Variants in AKT2 observed in about 807,000 individuals in gnomAD.
The protein encoded by AKT2 is AKT serine/threonine kinase 2.
AKT2 carries 16 observed loss-of-function variants against 58.6 expected under a neutral mutation model. The observed-to-expected ratio is 0.27, with a 90% CI of 0.18 to 0.41. The LOEUF is 0.41. Among genes scored for constraint, AKT2 ranks in the 10% least tolerant of loss-of-function variants. AKT2 has a pLI of 1.00. For missense variants in AKT2, 438 were observed against 661.0 expected (o/e 0.66, Z 3.70); for synonymous variants, 253 against 254.0 (o/e 1.00, Z 0.04).
In AKT2 at chr19:40,239,013, G is replaced by T. The variant is rs757601812; in HGVS notation, c.640-40C>A. Reference sequence around the variant, plus strand: ...CAGCAGGGTGGGAGGTGGGAGGGAGGAGGGCTCTGCTGAGCCATGCCAGGG... The same window carrying T: ...CAGCAGGGTGGGAGGTGGGAGGGAGTAGGGCTCTGCTGAGCCATGCCAGGG... On this transcript the variant is annotated intron_variant, in intron 7 of 13. Transcript: ENST00000392038. The T allele has an allele frequency of 4.4e-6, 7 of 1,597,680 alleles. No homozygotes were observed. The South Asian group carries it at 7.7e-5, about 18-fold the overall frequency.
chr19:40,241,738 T>C (rs1974419509), intron 6 of AKT2, 200 bp downstream of exon 6: 7 of 752,550 alleles, frequency 9.3e-6, no homozygotes, highest in Admixed American at 4.8e-5. Context: ...GCCCCTAACA[T>C]AGGGTGGAGG....
chr19:40,266,288 G>A (rs1343884819), intron 1 of AKT2: 1 of 152,366 alleles, frequency 6.6e-6, no homozygotes, highest in East Asian at 1.9e-4. Context: ...CGGACAGCAG[G>A]TCGGGAGCTA....
rs1973994060 is a variant in AKT2, at chr19:40,235,913, C to T, written c.1152G>A (p.Leu384=). ...SPEAKSLLAG[L]LKKDPKQRLG... ...ACCTCTGCTTGGGGTCCTTCTTAAG[C>T]AGCCCAGCAAGCAGGGACTTGGCCT... The change falls in exon 11 of 14, where the codon CTG becomes CTA. Residue 384 remains leucine (L), a synonymous_variant. Coordinates refer to ENST00000392038, the MANE Select transcript of AKT2 (RefSeq NM_001626.6). This position sits in a 1 kb window ranked among gnomAD's most constrained non-coding sequence, Gnocchi z 6.3. The T allele has an allele frequency of 6.2e-7, 1 of 1,612,624 alleles. No homozygotes were observed. The highest frequency in any genetic ancestry group is 2.2e-5 in the East Asian group (1 of 44,854).
intron 1 of AKT2, among the ~76,000 whole-genome samples, chr19:40,283,733 T>C (rs745333912): frequency 5.3e-5 from 8 of 152,078 alleles, no homozygotes; most frequent in Non-Finnish European, 1.0e-4. Context: ...ACCAGATCCA[T>C]GGGGGATCTG....
chr19:40,256,745 G>A (rs576952674), intron 3 of AKT2, among the ~76,000 whole-genome samples, 181 bp downstream of exon 3: 11 of 152,276 alleles, frequency 7.2e-5, no homozygotes, highest in South Asian at 2.1e-4. Flanking sequence ...GCATCTCCCC[G>A]CAGGACAGCC....
At position 40,233,556 on chromosome 19, in the gene AKT2, C is replaced by T. The variant is rs1403125035; in HGVS notation, c.*316G>A. 1 of 666,628 alleles carries T rather than the reference C, an allele frequency of 1.5e-6. No individual in the cohort carries two copies. The highest frequency in any genetic ancestry group is 1.4e-5 in the South Asian group (1 of 72,756). 41.3% of individuals were successfully genotyped at this position (666,628 alleles called of 1,614,324 possible). On this transcript the variant is annotated 3_prime_UTR_variant, in exon 14 of 14. Coordinates refer to ENST00000392038, the MANE Select transcript of AKT2 (RefSeq NM_001626.6). This position sits in a 1 kb window ranked among gnomAD's most constrained non-coding sequence, Gnocchi z 4.3. ...CCAGGCCAGAAACTCAGGCAGGCCC[C>T]AGGCGCCATGCTTCACCCCTCACTG...
intron 4 of AKT2, among the ~76,000 whole-genome samples, chr19:40,245,802 T>C (rs1406601557): frequency 6.6e-6 from 1 of 152,168 alleles, no homozygotes; most frequent in African/African-American, 2.4e-5. Context: ...TTGAACACAG[T>C]TCTGCCCCCA....
intron 1 of AKT2, among the ~76,000 whole-genome samples, chr19:40,265,765 G>A (rs1976305084): frequency 6.6e-6 from 1 of 152,052 alleles, no homozygotes; most frequent in Non-Finnish European, 1.5e-5. Flanking sequence ...AATGCGCAGA[G>A]CCACCAGCAT....
chr19:40,261,532 C>CAAAAA (rs34120640), intron 2 of AKT2, among the ~76,000 whole-genome samples: 1 of 134,794 alleles, frequency 7.4e-6, no homozygotes, highest in East Asian at 2.2e-4. Flanking sequence ...GACTCCATCT[C>CAAAAA]AAAAAAAAAA....
intron 4 of AKT2, among the ~76,000 whole-genome samples, chr19:40,246,712 A>C (rs1600007538): frequency 6.6e-6 from 1 of 152,216 alleles, no homozygotes; most frequent in Admixed American, 6.5e-5. Flanking sequence ...AGAGAACCCA[A>C]ATACATGAAG....
At chr19:40,270,981 C>T (rs2077200898) in intron 1 of AKT2, among the ~76,000 whole-genome samples, 1 of 151,652 alleles carries the variant, frequency 6.6e-6, no homozygotes, top group Non-Finnish European at 1.5e-5. Context: ...CCACCACACT[C>T]CAGCCTGGGA....
chr19:40,283,658 G>A (rs1030806898), intron 1 of AKT2, among the ~76,000 whole-genome samples: 9 of 152,124 alleles, frequency 5.9e-5, no homozygotes, highest in Admixed American at 2.0e-4. Context: ...TAGGGAGCAG[G>A]GACACTGGCC....
intron 4 of AKT2, chr19:40,243,131 A>C: frequency 1.8e-5 from 3 of 162,418 alleles, no homozygotes; most frequent in Non-Finnish European, 2.7e-5. Context: ...ACAGTGCGAG[A>C]CTCCGTCTCA....
rs190593262 is a variant in AKT2, at chr19:40,233,370, G to C, written c.*502C>G. 3.8e-5 allele frequency: 16 copies of C among 423,538 alleles called. No individual in the cohort carries two copies. The highest frequency in any genetic ancestry group is 3.0e-4 in the African/African-American group (15 of 50,462). 26.2% of individuals were successfully genotyped at this position (423,538 alleles called of 1,614,324 possible). ...CATTATTGCTTTTCTGCCCCCATAG[G>C]GGGACAGCGGGTGGGGGATTGGACC... On this transcript the variant is annotated 3_prime_UTR_variant, in exon 14 of 14. Coordinates refer to ENST00000392038, the MANE Select transcript of AKT2 (RefSeq NM_001626.6). This position sits in a 1 kb window ranked among gnomAD's most constrained non-coding sequence, Gnocchi z 4.3.
At chr19:40,261,178 G>C (rs4803322) in intron 2 of AKT2, among the ~76,000 whole-genome samples, 148,311 of 152,316 alleles carry the variant, frequency 0.97, 72,234 homozygotes, top group African/African-American at 0.99. Context: ...GTATTTGGGT[G>C]AAGGGAGCAC....
Position 40,238,131 on chromosome 19 carries a change from GC to G in AKT2, c.709-41del. ...GGTGGGGAGAGGAGGTCAGGCCCCA[GC>G]CCACCCACCTGCCCTCACCTTCCCA... is the stretch of plus-strand genomic sequence containing the variant. On this transcript the variant is annotated intron_variant, in intron 8 of 13. Coordinates refer to ENST00000392038, the MANE Select transcript of AKT2 (RefSeq NM_001626.6). This position sits in a 1 kb window ranked among gnomAD's most constrained non-coding sequence, Gnocchi z 5.1. The G allele has an allele frequency of 6.4e-7, 1 of 1,563,784 alleles. No individual in the cohort carries two copies. The highest frequency in any genetic ancestry group is 8.7e-7 in the Non-Finnish European group (1 of 1,154,634).
chr19:40,273,115 G>T (rs906142565), intron 1 of AKT2, among the ~76,000 whole-genome samples: 1 of 152,064 alleles, frequency 6.6e-6, no homozygotes, highest in South Asian at 2.1e-4. Context: ...AGGCCGAGGC[G>T]GGCAAATCAC....
intron 1 of AKT2, among the ~76,000 whole-genome samples, chr19:40,269,743 C>T (rs575297032): frequency 5.3e-5 from 8 of 152,168 alleles, no homozygotes; most frequent in Non-Finnish European, 8.8e-5. Flanking sequence ...CAGTAGAACA[C>T]TACTCAGCAA....
rs2288917 is a variant in AKT2, at chr19:40,235,212, C to G, written c.1263+51G>C. On this transcript the variant is annotated intron_variant, in intron 12 of 13. Transcript: ENST00000392038. This position sits in a 1 kb window ranked among gnomAD's most constrained non-coding sequence, Gnocchi z 6.3. ...CAGGAGGCCTCAACCAAGGTCACCA[C>G]GAGTGGGCCAGGTCCCTGAGGGTCC... 7 of 1,613,666 alleles carry G rather than the reference C, an allele frequency of 4.3e-6. 1 individual carries two copies. In the Admixed American group the frequency reaches 6.7e-5, roughly 15 times the overall value.
Sources: allele counts gnomAD v4.1 joint callset (sites outside exome capture counted in the v4.1 genomes callset), GRCh38; gene constraint gnomAD v4.1.1; non-coding constraint Gnocchi (gnomAD v3.1); transcripts MANE v1.5; gene names NCBI Gene and HGNC (gene_info 2026-07-23, HGNC 2026-07-21).